Variants in TENM1 observed in about 807,000 individuals in gnomAD.
The protein encoded by TENM1 is teneurin-1.
Under a neutral mutation model 174.8 loss-of-function variants are expected in TENM1, and 35 were observed. That is an observed-to-expected ratio of 0.20 (90% confidence interval 0.15 to 0.27). TENM1 has a LOEUF of 0.27. Among genes scored for constraint, TENM1 ranks in the 10% least tolerant of loss-of-function variants. The pLI, the probability that TENM1 is intolerant of heterozygous loss-of-function variation, is 1.00. For missense variants in TENM1, 1,633 were observed against 2,130.1 expected (o/e 0.77, Z 4.59); for synonymous variants, 781 against 798.7 (o/e 0.98, Z 0.37).
At chrX:124,821,685 G>C (rs1000933466) in intron 3 of TENM1, among the ~76,000 whole-genome samples, 2 of 112,024 alleles carry the variant, frequency 1.8e-5, no homozygotes, top group African/African-American at 6.5e-5. Context: ...TGGAAGCACT[G>C]GTTCTGTAAT....
the TENM1 span, among the ~76,000 whole-genome samples, chrX:125,027,998 T>C: frequency 4.5e-5 from 5 of 111,871 alleles, no homozygotes; most frequent in Non-Finnish European, 9.4e-5. Flanking sequence ...ATTAGGAATT[T>C]CACATACTGC....
At chrX:124,695,762 T>C (rs1456494860) in intron 5 of TENM1, among the ~76,000 whole-genome samples, 3 of 111,818 alleles carry the variant, frequency 2.7e-5, no homozygotes, top group African/African-American at 9.7e-5. Context: ...TCTATTTAAC[T>C]GTGATTGCCC....
chrX:124,598,391 T>C (rs2049954268), intron 11 of TENM1, among the ~76,000 whole-genome samples: 1 of 111,626 alleles, frequency 9.0e-6, no homozygotes, highest in African/African-American at 3.3e-5. Flanking sequence ...GCTGGATATA[T>C]ATCCCAAAGA....
intron 1 of TENM1, among the ~76,000 whole-genome samples, chrX:124,942,009 GA>G (rs1422527002): frequency 9.0e-6 from 1 of 111,489 alleles, no homozygotes; most frequent in Non-Finnish European, 1.9e-5. Flanking sequence ...TAGTACGGGA[GA>G]AACTGCCCCC....
At chrX:124,568,816 T>C (rs922020934) in intron 11 of TENM1, among the ~76,000 whole-genome samples, 3 of 111,515 alleles carry the variant, frequency 2.7e-5, no homozygotes, top group Non-Finnish European at 5.7e-5. Context: ...ATCTGTCAAT[T>C]ATACTAGAGG....
chrX:125,070,908 G>C, the TENM1 span, among the ~76,000 whole-genome samples: 1 of 111,293 alleles, frequency 9.0e-6, no homozygotes, highest in Admixed American at 9.5e-5. Context: ...TAAGAGAAGG[G>C]GTTAGAACAG....
chrX:124,867,381 TA>T, intron 3 of TENM1, among the ~76,000 whole-genome samples: 1 of 111,930 alleles, frequency 8.9e-6, no homozygotes, highest in Non-Finnish European at 1.9e-5. Flanking sequence ...GAATGAAGAA[TA>T]AAAACCATGT....
chrX:124,577,908 G>A (rs113000105), intron 11 of TENM1, among the ~76,000 whole-genome samples: 3 of 109,891 alleles, frequency 2.7e-5, no homozygotes, highest in African/African-American at 1.0e-4. Context: ...TCATGAATCA[G>A]TTCTTTATCC....
chrX:125,161,609 C>G, the TENM1 span, among the ~76,000 whole-genome samples: 1 of 111,643 alleles, frequency 9.0e-6, no homozygotes, highest in Non-Finnish European at 1.9e-5. Flanking sequence ...ACAAAAAGTA[C>G]ACTAGTGTTT....
At chrX:124,804,526 G>C (rs2055541081) in intron 3 of TENM1, among the ~76,000 whole-genome samples, 1 of 111,572 alleles carries the variant, frequency 9.0e-6, no homozygotes, top group Admixed American at 9.5e-5. Flanking sequence ...CTGCAGTTTT[G>C]ATTCCATTTC....
At chrX:124,437,722 T>G (rs1019419073) in intron 23 of TENM1, among the ~76,000 whole-genome samples, 13 of 112,064 alleles carry the variant, frequency 1.2e-4, no homozygotes, top group Non-Finnish European at 2.3e-4. Context: ...TTGTCAGACA[T>G]TGCAATTACT....
the TENM1 span, among the ~76,000 whole-genome samples, chrX:125,007,228 C>T: frequency 9.0e-6 from 1 of 111,106 alleles, no homozygotes; most frequent in African/African-American, 3.3e-5. Context: ...CTTCGTGAAG[C>T]ACACACAAGT....
intron 3 of TENM1, among the ~76,000 whole-genome samples, chrX:124,826,692 GT>G (rs1248704009): frequency 9.0e-6 from 1 of 111,462 alleles, no homozygotes; most frequent in African/African-American, 3.3e-5. Flanking sequence ...TGACAGAATA[GT>G]TTCCCCCCTT....
At chrX:124,598,202 A>C (rs150871028) in intron 11 of TENM1, among the ~76,000 whole-genome samples, 3,621 of 33,081 alleles carry the variant, frequency 0.11, 88 homozygotes, top group South Asian at 0.58. Context: ...CCCCAGTTAA[A>C]ATGGCATACA....
At chrX:125,092,037 A>C in the TENM1 span, among the ~76,000 whole-genome samples, 1 of 109,098 alleles carries the variant, frequency 9.2e-6, no homozygotes, top group African/African-American at 3.3e-5. Context: ...GCTTGGGATA[A>C]ATTCACACCA....
At chrX:124,579,815 A>G (rs374752306) in intron 11 of TENM1, among the ~76,000 whole-genome samples, 1 of 111,992 alleles carries the variant, frequency 8.9e-6, no homozygotes, top group East Asian at 2.8e-4. Context: ...CTTGAGCTTT[A>G]TATACTTTGA....
the TENM1 span, among the ~76,000 whole-genome samples, chrX:125,185,834 A>T: frequency 2.7e-5 from 3 of 112,274 alleles, no homozygotes; most frequent in Non-Finnish European, 5.6e-5. Flanking sequence ...GAGGGTTGTG[A>T]ATATAAGAAC....
chrX:125,043,267 T>C, the TENM1 span, among the ~76,000 whole-genome samples: 1 of 74,765 alleles, frequency 1.3e-5, no homozygotes, highest in African/African-American at 5.0e-5. Context: ...CCTACTCATC[T>C]GACAAAGGGC....
At chrX:124,575,274 C>A (rs966239462) in intron 11 of TENM1, among the ~76,000 whole-genome samples, 1 of 112,008 alleles carries the variant, frequency 8.9e-6, no homozygotes, top group African/African-American at 3.2e-5. Context: ...AGTATCTCCT[C>A]ATTTTAACAC....
Sources: gnomAD v4.1 joint callset for allele counts (sites outside exome capture counted in the v4.1 genomes callset) on GRCh38, gnomAD v4.1.1 for gene constraint, MANE v1.5 for transcripts, NCBI Gene and HGNC (gene_info 2026-07-23, HGNC 2026-07-21) for gene names.